The following EFL1 variants were observed in gnomAD, a reference collection of about 807,000 sequenced individuals.
EFL1 encodes elongation factor like GTPase 1, also known as elongation factor-like GTPase 1.
In EFL1, 76 loss-of-function variants were observed where a neutral mutation model predicts 126.7. The observed-to-expected ratio is 0.60, with a 90% CI of 0.50 to 0.73. The LOEUF (loss-of-function observed/expected upper bound fraction) is 0.73, where lower values mean the gene tolerates loss of function less well. EFL1 is among the 30% of genes least tolerant of loss of function. The pLI is 0.00. For missense variants in EFL1, 1,128 were observed against 1,343.2 expected, an observed-to-expected ratio of 0.84 and a Z score of 2.50; for synonymous variants, 410 against 448.4, an observed-to-expected ratio of 0.91 and a Z score of 1.08.
At chr15:82,218,308 G>C (rs901368788) in intron 14 of EFL1, among the ~76,000 whole-genome samples, 1 of 152,102 alleles carries the variant, frequency 6.6e-6, no homozygotes, top group Non-Finnish European at 1.5e-5. Context: ...AAATATTTCA[G>C]GTTTTTTTTT....
At chr15:82,194,629 A>C (rs2074391308) in intron 15 of EFL1, among the ~76,000 whole-genome samples, 1 of 152,204 alleles carries the variant, frequency 6.6e-6, no homozygotes, top group Admixed American at 6.5e-5. Flanking sequence ...ACCACATAGA[A>C]CTTATCATCC....
At chr15:82,146,310 G>C (rs2073845323) in intron 18 of EFL1, among the ~76,000 whole-genome samples, 1 of 152,094 alleles carries the variant, frequency 6.6e-6, no homozygotes, top group Non-Finnish European at 1.5e-5. Context: ...ATCAACTTGT[G>C]CCGATTCTTG....
At chr15:82,212,666 G>A (rs1415931083) in intron 15 of EFL1, among the ~76,000 whole-genome samples, 3 of 152,124 alleles carry the variant, frequency 2.0e-5, no homozygotes, top group African/African-American at 4.8e-5. Flanking sequence ...GGCACCTCAG[G>A]CATCACCAGG....
rs565685378 is a variant in EFL1, at chr15:82,253,894, C to T, written c.160-1119G>A. Among the ~76,000 whole-genome samples the T allele has an allele frequency of 1.2e-3, 185 of 152,246 alleles. 1 individual carries two copies. Among genetic ancestry groups the T allele is most frequent in the Middle Eastern group, 3.4e-3 (1 of 294 alleles). On this transcript the variant is annotated intron_variant, in intron 3 of 19. Coordinates refer to ENST00000268206, the MANE Select transcript of EFL1 (RefSeq NM_024580.6). ...TCCTTAGCCCTAAGCACCAGACTAA[C>T]CTTCTCCTCCTTTCTCCAGAATGAT...
rs1209118217 is a variant in EFL1, at chr15:82,232,196, C to A, written c.732-1225G>T. On this transcript the variant is annotated intron_variant, in intron 7 of 19. Transcript: ENST00000268206. The stretch of plus-strand genomic sequence containing the variant: ...TCTCCAACCTAACCTTAGAAGGGAG[C>A]CCTATTTGTTAGTAGTGATGCTCCC... Among the ~76,000 whole-genome samples the A allele has an allele frequency of 3.3e-5, 5 of 152,110 alleles. No individual in the cohort carries two copies. In the East Asian group the frequency reaches 9.6e-4, roughly 29 times the overall value.
At chr15:82,217,324 G>A (rs1377509159) in intron 14 of EFL1, among the ~76,000 whole-genome samples, 2 of 107,612 alleles carry the variant, frequency 1.9e-5, no homozygotes, top group African/African-American at 3.8e-5. Context: ...TTGTAAAAGT[G>A]CATAAGGAGA....
intron 15 of EFL1, among the ~76,000 whole-genome samples, chr15:82,174,960 T>C (rs1316783326): frequency 1.3e-5 from 2 of 152,248 alleles, no homozygotes; most frequent in Non-Finnish European, 2.9e-5. Flanking sequence ...CTCTGAACAG[T>C]TGCTGAAAGA....
At position 82,204,967 on chromosome 15, in the gene EFL1, T is replaced by C. The variant is rs550458236; in HGVS notation, c.1750+9750A>G. ...ACTTTTTCAACTACTGTACCTGAAATAGGATTAGTAGGGCCAAAACCACAG... is the reference window on the plus strand; with the variant it reads ...ACTTTTTCAACTACTGTACCTGAAACAGGATTAGTAGGGCCAAAACCACAG... On this transcript the variant is annotated intron_variant, in intron 15 of 19. Transcript: ENST00000268206. Among the ~76,000 whole-genome samples the C allele has an allele frequency of 3.3e-5, 5 of 152,300 alleles. No individual in the cohort carries two copies. In the East Asian group the frequency reaches 9.6e-4, roughly 29 times the overall value.
intron 4 of EFL1, among the ~76,000 whole-genome samples, chr15:82,243,728 GTCA>G (rs1567077152): frequency 1.4e-5 from 2 of 140,376 alleles, no homozygotes; most frequent in African/African-American, 5.5e-5. Context: ...TTAGGGAATA[GTCA>G]GAAAAACGAA....
intron 12 of EFL1, among the ~76,000 whole-genome samples, chr15:82,221,473 C>T (rs953540590): frequency 3.3e-5 from 5 of 152,164 alleles, no homozygotes; most frequent in South Asian, 2.1e-4. Context: ...AAATCATTGA[C>T]TGTCCACTGC....
intron 18 of EFL1, among the ~76,000 whole-genome samples, chr15:82,140,062 C>T (rs1000304305): frequency 3.3e-5 from 5 of 152,134 alleles, no homozygotes; most frequent in Non-Finnish European, 4.4e-5. Context: ...AAAACCTAAA[C>T]TAAAATCTCT....
rs748785237 is a variant in EFL1, at chr15:82,151,906, C to G, written c.2548G>C (p.Gly850Arg). The G allele has an allele frequency of 3.7e-5, 59 of 1,613,994 alleles. No individual in the cohort carries two copies. The highest frequency in any genetic ancestry group is 4.5e-5 in the Non-Finnish European group (53 of 1,180,048). The change falls in exon 18 of 20, where the codon GGT becomes CGT. Residue 850 changes from glycine (G) to arginine (R), a missense_variant. Gly to Arg is a moderately radical substitution (Grantham distance 125, BLOSUM62 -2). Around this residue, in one of 6 missense-constraint regions of EFL1, gnomAD observed 561 missense variants for 641.7 expected, o/e 0.87. Coordinates refer to ENST00000268206, the MANE Select transcript of EFL1 (RefSeq NM_024580.6). The stretch of plus-strand genomic sequence containing the variant: ...TCTTTTGAAGCTTTGTCAGCTGGAC[C>G]TGTCCATACTGAGTTCTGAAAATCT... ...SEDFQNSVWT[G>R]PADKASKEAS...
intron 15 of EFL1, among the ~76,000 whole-genome samples, chr15:82,166,292 T>C (rs963574530): frequency 6.6e-6 from 1 of 152,246 alleles, no homozygotes; most frequent in Non-Finnish European, 1.5e-5. Flanking sequence ...GGTTTACATT[T>C]TGCTGTTCCA....
At chr15:82,137,479 A>T (rs1225522958) in intron 19 of EFL1, among the ~76,000 whole-genome samples, 2 of 152,226 alleles carry the variant, frequency 1.3e-5, no homozygotes, top group Admixed American at 6.5e-5. Flanking sequence ...CCACAAGGAA[A>T]CAATCTTCGC....
At chr15:82,195,869 C>G (rs1273062475) in intron 15 of EFL1, among the ~76,000 whole-genome samples, 1 of 152,080 alleles carries the variant, frequency 6.6e-6, no homozygotes, top group Non-Finnish European at 1.5e-5. Context: ...CTCCGAGACA[C>G]TAACTGAAAA....
intron 3 of EFL1, among the ~76,000 whole-genome samples, chr15:82,253,937 C>T (rs2075045770): frequency 6.6e-6 from 1 of 152,198 alleles, no homozygotes; most frequent in African/African-American, 2.4e-5. Flanking sequence ...TACCCTTCCT[C>T]CATTCTCTCC....
intron 16 of EFL1, among the ~76,000 whole-genome samples, chr15:82,163,136 C>T (rs1006972308): frequency 1.3e-5 from 2 of 152,136 alleles, no homozygotes; most frequent in African/African-American, 2.4e-5. Flanking sequence ...TCTAAACAGA[C>T]GGGAAATTCT....
intron 11 of EFL1, among the ~76,000 whole-genome samples, chr15:82,226,237 C>T (rs574322325): frequency 3.3e-5 from 5 of 152,200 alleles, no homozygotes; most frequent in African/African-American, 4.8e-5. Flanking sequence ...GGCGTTATCT[C>T]GGCTCACTGC....
chr15:82,140,339 C>T (rs1414596020), intron 18 of EFL1, among the ~76,000 whole-genome samples: 3 of 151,828 alleles, frequency 2.0e-5, no homozygotes, highest in Non-Finnish European at 4.4e-5. Context: ...GCTTTTTTCC[C>T]CCAATTTTCA....
Sources: gnomAD v4.1 joint callset for allele counts (sites outside exome capture counted in the v4.1 genomes callset) on GRCh38, gnomAD v4.1.1 for gene constraint, gnomAD v4.1.1 regional missense constraint, MANE v1.5 for transcripts, NCBI Gene and HGNC (gene_info 2026-07-23, HGNC 2026-07-21) for gene names.